ZNF486: variants seen among roughly 807,000 people sequenced by gnomAD.
ZNF486 encodes the protein zinc finger protein 486, also known as KRAB box only protein 2.
In ZNF486, 12 loss-of-function variants were observed where a neutral mutation model predicts 12.8. The ratio of observed to expected loss-of-function variants is 0.94; its 90% CI spans 0.60 to 1.52. ZNF486 has a LOEUF of 1.52. Among genes scored for constraint, ZNF486 ranks in the 40% most tolerant of loss-of-function variants. The probability of loss-of-function intolerance (pLI) is 0.00; values close to 1 mark genes in which losing one functional copy is unlikely to be tolerated. For missense variants in ZNF486, 738 were observed against 545.0 expected, an observed-to-expected ratio of 1.35 and a Z score of -3.53; for synonymous variants, 231 against 184.9, an observed-to-expected ratio of 1.25 and a Z score of -2.02.
In ZNF486 at chr19:20,184,923, C is replaced by A. The variant is rs113181836; in HGVS notation, c.157+441C>A. Among the ~76,000 whole-genome samples, 1,396 of 152,128 alleles carry A rather than the reference C, an allele frequency of 9.2e-3. 22 individuals carry two copies. The highest frequency in any genetic ancestry group is 0.031 in the African/African-American group (1,300 of 41,466). On this transcript the variant is annotated intron_variant, in intron 2 of 3. Coordinates refer to ENST00000335117, the MANE Select transcript of ZNF486 (RefSeq NM_052852.4). ...AGTTGGGAGTTTGAGACCAGCCTGA[C>A]CAACATGGAGAAACCCCGCCTATAC...
At chr19:20,185,673 G>T (rs541214960) in intron 2 of ZNF486, among the ~76,000 whole-genome samples, 2 of 151,828 alleles carry the variant, frequency 1.3e-5, no homozygotes, top group Non-Finnish European at 2.9e-5. Flanking sequence ...CTCCCAGAGT[G>T]CTAGGATTAG....
chr19:20,193,795 TTCTG>T (rs1230423490), intron 3 of ZNF486, among the ~76,000 whole-genome samples: 11 of 152,178 alleles, frequency 7.2e-5, no homozygotes, highest in African/African-American at 1.4e-4. Context: ...TTCACTCATT[TTCTG>T]TCTTTTTTGT....
intron 3 of ZNF486, among the ~76,000 whole-genome samples, chr19:20,189,701 G>C (rs1042360920): frequency 6.6e-6 from 1 of 152,060 alleles, no homozygotes; most frequent in African/African-American, 2.4e-5. Context: ...TTAGTTTTAA[G>C]AGTTTTTATT....
In ZNF486 at chr19:20,179,861, TAGG is replaced by T. The variant is rs572158412; in HGVS notation, c.31-4492_31-4490del. Among the ~76,000 whole-genome samples, 584 of 152,328 alleles carry T rather than the reference TAGG, an allele frequency of 3.8e-3. 4 individuals carry two copies. The highest frequency in any genetic ancestry group is 0.014 in the African/African-American group (569 of 41,568). On this transcript the variant is annotated intron_variant, in intron 1 of 3. Transcript: ENST00000335117. ...AATCTGTAAGTGTAAATAATCATCT[TAGG>T]AGTGAGAGATCAAGGCCACAAAGTA...
intron 1 of ZNF486, among the ~76,000 whole-genome samples, chr19:20,171,147 T>C (rs367670863): frequency 2.0e-5 from 3 of 152,170 alleles, no homozygotes; most frequent in South Asian, 2.1e-4. Flanking sequence ...TCTACAGATA[T>C]GGTGCCAGTA....
chr19:20,184,308 C>T, intron 1 of ZNF486, 48 bp from the exon 2 acceptor site: 1 of 1,604,266 alleles, frequency 6.2e-7, no homozygotes, highest in Non-Finnish European at 8.5e-7. Flanking sequence ...ATTAAAAATT[C>T]CACCAACGGC....
intron 2 of ZNF486, 82 bp from the exon 3 acceptor site, chr19:20,185,905 A>G: frequency 1.3e-6 from 1 of 773,960 alleles, no homozygotes; most frequent in Non-Finnish European, 1.9e-6. Context: ...ATATTTTATT[A>G]CATTCTTTCT....
intron 3 of ZNF486, among the ~76,000 whole-genome samples, chr19:20,196,754 A>G (rs913313666): frequency 1.3e-5 from 2 of 152,204 alleles, no homozygotes; most frequent in Non-Finnish European, 2.9e-5. Flanking sequence ...GGACTTTCAC[A>G]CACTTAAAAC....
chr19:20,167,464 T>C (rs2089597003), intron 1 of ZNF486, 104 bp downstream of exon 1: 5 of 1,334,618 alleles, frequency 3.7e-6, no homozygotes, highest in Admixed American at 4.2e-5. Context: ...ACAATCTGCG[T>C]CCGGACTTCT....
chr19:20,185,648 T>A (rs1212901172), intron 2 of ZNF486, among the ~76,000 whole-genome samples: 2 of 151,962 alleles, frequency 1.3e-5, no homozygotes, highest in Non-Finnish European at 2.9e-5. Context: ...GACCTTGTGA[T>A]CCACCCATCT....
Position 20,182,268 on chromosome 19 carries a change from G to A in ZNF486, c.31-2088G>A, listed in dbSNP as rs1444359158. 3.9e-5 allele frequency among the ~76,000 whole-genome samples: 6 copies of A among 152,116 alleles called. No homozygotes were observed. The South Asian group carries it at 1.2e-3, about 32-fold the overall frequency. ...ACACCCATTCATGGACCCTTTTCAA[G>A]CCTCCAGAATCACATTACATAAAGT... On this transcript the variant is annotated intron_variant, in intron 1 of 3. Coordinates refer to ENST00000335117, the MANE Select transcript of ZNF486 (RefSeq NM_052852.4).
intron 1 of ZNF486, among the ~76,000 whole-genome samples, chr19:20,167,681 C>T (rs868933908): frequency 1.3e-5 from 2 of 152,098 alleles, no homozygotes; most frequent in African/African-American, 4.8e-5. Flanking sequence ...AATCTTGACT[C>T]GGGGTGCGGG....
chr19:20,182,220 C>G lies in ZNF486; in HGVS notation c.31-2136C>G, dbSNP rs1367219183. Among the ~76,000 whole-genome samples the G allele has an allele frequency of 2.0e-5, 3 of 152,304 alleles. 1 individual carries two copies. The East Asian group carries it at 5.8e-4, about 29-fold the overall frequency. On this transcript the variant is annotated intron_variant, in intron 1 of 3. Transcript: ENST00000335117. ...ATGAGCCAAGGGGAAGCAACTTCAG[C>G]ATTGACAGGGGACTTGTTTAAAACA...
intron 1 of ZNF486, among the ~76,000 whole-genome samples, chr19:20,182,391 T>G (rs2089796666): frequency 6.6e-6 from 1 of 152,232 alleles, no homozygotes; most frequent in South Asian, 2.1e-4. Context: ...TAGGAACACA[T>G]GGCCAATTTG....
chr19:20,169,927 G>A (rs1261203253), intron 1 of ZNF486, among the ~76,000 whole-genome samples: 1 of 130,870 alleles, frequency 7.6e-6, no homozygotes, highest in Non-Finnish European at 1.5e-5. Flanking sequence ...GTCTCACTCC[G>A]TCGCCCAGGC....
intron 1 of ZNF486, among the ~76,000 whole-genome samples, chr19:20,175,737 A>G (rs1286304984): frequency 1.3e-5 from 2 of 152,200 alleles, no homozygotes; most frequent in African/African-American, 4.8e-5. Context: ...ACTTCTTTCT[A>G]CACAGACACG....
At chr19:20,167,421 T>A in intron 1 of ZNF486, 61 bp downstream of exon 1, 2 of 1,585,852 alleles carry the variant, frequency 1.3e-6, no homozygotes, top group Non-Finnish European at 1.7e-6. Flanking sequence ...GAAGTGGCTG[T>A]GGAGGGACTC....
chr19:20,197,816 A>C lies in ZNF486; in HGVS notation c.1106A>C (p.Lys369Thr). The stretch of plus-strand genomic sequence containing the variant: ...CGCTCCTCACACCTTACTATGCATA[A>C]GATAATTCATACTGGAGAGAAACCA... ...FTRSSHLTMH[K>T]IIHTGEKPYK... Residue 369 changes from lysine (K) to threonine (T), a missense_variant, in exon 4 of 4, where the codon AAG (lysine) becomes ACG (threonine). Coordinates refer to ENST00000335117, the MANE Select transcript of ZNF486 (RefSeq NM_052852.4). 6.2e-7 allele frequency: 1 copy of C among 1,613,826 alleles called. No individual in the cohort carries two copies. Among genetic ancestry groups the C allele is most frequent in the Non-Finnish European group, 8.5e-7 (1 of 1,179,934 alleles).
chr19:20,191,479 T>C (rs536497152), intron 3 of ZNF486, among the ~76,000 whole-genome samples: 1 of 135,806 alleles, frequency 7.4e-6, no homozygotes, highest in South Asian at 2.3e-4. Context: ...AAAAAAAAAT[T>C]ATGCACTCGG....
Sources: allele counts gnomAD v4.1 joint callset (sites outside exome capture counted in the v4.1 genomes callset), GRCh38; gene constraint gnomAD v4.1.1; transcripts MANE v1.5; gene names NCBI Gene and HGNC (gene_info 2026-07-23, HGNC 2026-07-21).